AFG2A: variants seen among roughly 807,000 people sequenced by gnomAD.
The protein encoded by AFG2A is ATPase family gene 2 protein homolog A.
the AFG2A span, among the ~76,000 whole-genome samples, chr4:123,205,562 C>T: frequency 4.6e-5 from 7 of 152,066 alleles, no homozygotes; most frequent in African/African-American, 1.4e-4. Flanking sequence ...TTAGCTATTA[C>T]AAGCAATCTA....
At chr4:122,998,995 A>G in the AFG2A span, among the ~76,000 whole-genome samples, 1 of 151,812 alleles carries the variant, frequency 6.6e-6, no homozygotes. Flanking sequence ...CTTTTTAATG[A>G]TCGCCATTCT....
At chr4:123,262,256 A>G in the AFG2A span, among the ~76,000 whole-genome samples, 2 of 152,242 alleles carry the variant, frequency 1.3e-5, no homozygotes, top group Non-Finnish European at 2.9e-5. Context: ...TTTACCAACC[A>G]AAAATGTCAG....
the AFG2A span, among the ~76,000 whole-genome samples, chr4:123,237,858 G>C: frequency 6.6e-6 from 1 of 152,162 alleles, no homozygotes; most frequent in African/African-American, 2.4e-5. Context: ...AGAGTGAACT[G>C]AAATAGGGTG....
chr4:123,044,543 C>G, the AFG2A span, among the ~76,000 whole-genome samples: 2 of 151,968 alleles, frequency 1.3e-5, no homozygotes, highest in African/African-American at 4.9e-5. Context: ...TCATGTGGCT[C>G]TGACAAACTG....
chr4:123,055,484 T>C, the AFG2A span, among the ~76,000 whole-genome samples: 62,476 of 152,000 alleles, frequency 0.41, 15,651 homozygotes, highest in Non-Finnish European at 0.55. Flanking sequence ...AGCCAAATAC[T>C]GCCCATACCA....
chr4:123,285,694 C>T, the AFG2A span, among the ~76,000 whole-genome samples: 1 of 152,152 alleles, frequency 6.6e-6, no homozygotes, highest in Admixed American at 6.6e-5. Flanking sequence ...CCTCCCTCAT[C>T]TGAGCTATGG....
the AFG2A span, among the ~76,000 whole-genome samples, chr4:123,300,103 G>A: frequency 5.9e-4 from 90 of 152,106 alleles, no homozygotes; most frequent in African/African-American, 2.0e-3. Flanking sequence ...TGCTGAATTC[G>A]ACACAAACCT....
chr4:123,109,056 A>G, the AFG2A span, among the ~76,000 whole-genome samples: 2 of 152,160 alleles, frequency 1.3e-5, no homozygotes, highest in Non-Finnish European at 2.9e-5. Flanking sequence ...ATTGCATTAT[A>G]TTACTAAGTG....
chr4:123,063,475 A>G, the AFG2A span, among the ~76,000 whole-genome samples: 1 of 152,200 alleles, frequency 6.6e-6, no homozygotes, highest in Non-Finnish European at 1.5e-5. Flanking sequence ...GGCTGGGCAC[A>G]GTGGCTCACA....
the AFG2A span, among the ~76,000 whole-genome samples, chr4:123,085,662 TTCTTTAATTGG>T: frequency 6.6e-6 from 1 of 152,166 alleles, no homozygotes; most frequent in Non-Finnish European, 1.5e-5. Context: ...TCAATCTCTG[TTCTTTAATTGG>T]TGCATTTAGG....
the AFG2A span, among the ~76,000 whole-genome samples, chr4:123,095,686 T>G: frequency 3.0e-5 from 4 of 132,236 alleles, no homozygotes. Flanking sequence ...AAAGTACATT[T>G]TATGTTTTTA....
the AFG2A span, among the ~76,000 whole-genome samples, chr4:123,284,204 T>A: frequency 6.6e-6 from 1 of 152,192 alleles, no homozygotes; most frequent in Non-Finnish European, 1.5e-5. Flanking sequence ...CTTGGTACAT[T>A]TTTTGACTTC....
chr4:123,209,367 G>A, the AFG2A span, among the ~76,000 whole-genome samples: 1 of 151,956 alleles, frequency 6.6e-6, no homozygotes, highest in African/African-American at 2.4e-5. Flanking sequence ...TATATTTAGG[G>A]TTATAAAGTC....
At chr4:123,224,891 A>G in the AFG2A span, among the ~76,000 whole-genome samples, 1 of 152,118 alleles carries the variant, frequency 6.6e-6, no homozygotes, top group Admixed American at 6.5e-5. Flanking sequence ...TGACTTTATA[A>G]TGATCGCCAT....
the AFG2A span, among the ~76,000 whole-genome samples, chr4:123,059,714 C>T: frequency 0.021 from 3,142 of 151,070 alleles, 53 homozygotes; most frequent in Non-Finnish European, 0.035. Flanking sequence ...TTCTAGATCC[C>T]TGAGGAATCG....
the AFG2A span, among the ~76,000 whole-genome samples, chr4:123,184,738 G>C: frequency 2.7e-5 from 4 of 150,926 alleles, no homozygotes; most frequent in South Asian, 4.2e-4. Flanking sequence ...GGGTTTCACC[G>C]TTTTAGCCGG....
chr4:122,981,326 CTG>C, the AFG2A span, among the ~76,000 whole-genome samples: 9 of 148,106 alleles, frequency 6.1e-5, no homozygotes, highest in African/African-American at 2.0e-4. Flanking sequence ...GATCAATTGA[CTG>C]TACATGCGTG....
the AFG2A span, among the ~76,000 whole-genome samples, chr4:123,076,928 A>G: frequency 2.7e-5 from 4 of 146,906 alleles, no homozygotes; most frequent in South Asian, 4.5e-4. Flanking sequence ...ATTCTACCCA[A>G]GATCATTTTG....
the AFG2A span, among the ~76,000 whole-genome samples, chr4:123,215,954 T>C: frequency 1.6e-4 from 25 of 152,278 alleles, no homozygotes; most frequent in African/African-American, 5.8e-4. Context: ...CTCTAAAAAC[T>C]TAGGTTATTT....
Sources: allele counts gnomAD v4.1 joint callset (sites outside exome capture counted in the v4.1 genomes callset), GRCh38; gene constraint gnomAD v4.1.1; transcripts MANE v1.5; gene names NCBI Gene and HGNC (gene_info 2026-07-23, HGNC 2026-07-21).